The following GPC5 variants were observed in gnomAD, a reference collection of about 807,000 sequenced individuals.
GPC5 encodes the protein glypican-5.
In GPC5, 47 loss-of-function variants were observed where a neutral mutation model predicts 53.9. The observed-to-expected ratio is 0.87, with a 90% CI of 0.69 to 1.11. GPC5 has a LOEUF of 1.11. Among genes scored for constraint, GPC5 ranks in the 50% most tolerant of loss-of-function variants. The pLI is 0.00. For missense variants in GPC5, 748 were observed against 713.1 expected (o/e 1.05, Z -0.56); for synonymous variants, 286 against 263.3 (o/e 1.09, Z -0.84).
chr13:92,398,428 C>CAAAAAAAAAAAAAAAAAAAAAAAAAAAA (rs35873316), intron 7 of GPC5, among the ~76,000 whole-genome samples: 2 of 87,648 alleles, frequency 2.3e-5, no homozygotes, highest in South Asian at 4.0e-4. Flanking sequence ...GACTCCGTCT[C>CAAAAAAAAAAAAAAAAAAAAAAAAAAAA]AAAAAAAAAA....
At chr13:92,321,735 T>C (rs2043217552) in intron 7 of GPC5, among the ~76,000 whole-genome samples, 1 of 152,212 alleles carries the variant, frequency 6.6e-6, no homozygotes, top group Admixed American at 6.5e-5. Context: ...AGTTACGGTA[T>C]ACTGATTATG....
intron 7 of GPC5, among the ~76,000 whole-genome samples, chr13:92,538,404 C>T (rs770394432): frequency 3.1e-4 from 47 of 150,570 alleles, no homozygotes; most frequent in Non-Finnish European, 5.9e-4. Flanking sequence ...TCCTTCATTC[C>T]TTCTTCCCTA....
chr13:92,039,324 A>C (rs1383703002), intron 6 of GPC5, among the ~76,000 whole-genome samples: 1 of 152,246 alleles, frequency 6.6e-6, no homozygotes, highest in African/African-American at 2.4e-5. Flanking sequence ...TTATCAGTAG[A>C]GAGTGGAAAA....
intron 7 of GPC5, among the ~76,000 whole-genome samples, chr13:92,182,376 A>G (rs2042153055): frequency 6.6e-6 from 1 of 152,210 alleles, no homozygotes; most frequent in Non-Finnish European, 1.5e-5. Context: ...CCACTTTTCA[A>G]ACAAAGATCA....
At chr13:91,949,856 G>A (rs1168059050) in intron 6 of GPC5, among the ~76,000 whole-genome samples, 2 of 152,138 alleles carry the variant, frequency 1.3e-5, no homozygotes, top group East Asian at 3.8e-4. Flanking sequence ...CTATAAATGT[G>A]TATTTGCTCT....
intron 7 of GPC5, among the ~76,000 whole-genome samples, chr13:92,264,601 C>T (rs2042788798): frequency 6.6e-6 from 1 of 151,702 alleles, no homozygotes; most frequent in Admixed American, 6.6e-5. Flanking sequence ...GGATGACTTA[C>T]AGTCAAGACC....
At chr13:91,713,347 G>A (rs1027630141) in intron 3 of GPC5, among the ~76,000 whole-genome samples, 7 of 149,562 alleles carry the variant, frequency 4.7e-5, no homozygotes, top group Non-Finnish European at 8.9e-5. Context: ...ATACTTTCTC[G>A]AATGCCTAAA....
chr13:92,773,770 T>C (rs538934352), intron 7 of GPC5, among the ~76,000 whole-genome samples: 1 of 152,188 alleles, frequency 6.6e-6, no homozygotes, highest in Non-Finnish European at 1.5e-5. Context: ...ATTTCATCTG[T>C]TGAAAATATT....
intron 4 of GPC5, among the ~76,000 whole-genome samples, chr13:91,751,445 C>G (rs1469845326): frequency 6.6e-6 from 1 of 152,186 alleles, no homozygotes; most frequent in Non-Finnish European, 1.5e-5. Context: ...TGTGCCATTT[C>G]AGATCAGCAG....
At chr13:92,695,627 T>C (rs951319422) in intron 7 of GPC5, among the ~76,000 whole-genome samples, 1 of 152,116 alleles carries the variant, frequency 6.6e-6, no homozygotes, top group Non-Finnish European at 1.5e-5. Flanking sequence ...AAAATAATTA[T>C]ATTAGTACAT....
At chr13:91,775,256 G>A (rs148379538) in intron 5 of GPC5, among the ~76,000 whole-genome samples, 4 of 152,138 alleles carry the variant, frequency 2.6e-5, no homozygotes, top group Non-Finnish European at 5.9e-5. Flanking sequence ...CTGTGTTTTA[G>A]TCTATATAAT....
chr13:91,862,908 G>A (rs1387422006), intron 5 of GPC5, among the ~76,000 whole-genome samples: 1 of 151,754 alleles, frequency 6.6e-6, no homozygotes, highest in East Asian at 1.9e-4. Context: ...AAGATTTCTG[G>A]CCCATCTTTT....
chr13:91,572,217 A>ATACACATATGTATATATATGTGTGTG (rs1566517664), intron 2 of GPC5, among the ~76,000 whole-genome samples: 6 of 89,470 alleles, frequency 6.7e-5, no homozygotes, highest in Admixed American at 9.8e-5. Context: ...ATACGTGTAT[A>ATACACATATGTATATATATGTGTGTG]TATATACACA....
chr13:92,827,621 C>T (rs954527247), intron 7 of GPC5, among the ~76,000 whole-genome samples: 4 of 152,132 alleles, frequency 2.6e-5, no homozygotes, highest in East Asian at 1.9e-4. Context: ...TGCATGTACA[C>T]GCATGCCAAC....
chr13:92,037,898 G>C (rs556386521), intron 6 of GPC5, among the ~76,000 whole-genome samples: 2 of 152,248 alleles, frequency 1.3e-5, no homozygotes, highest in South Asian at 4.1e-4. Flanking sequence ...AGAAGATTTT[G>C]AGCAGATTTC....
intron 2 of GPC5, 25 bp from the exon 3 acceptor site, chr13:91,693,162 T>A: frequency 2.6e-6 from 4 of 1,549,350 alleles, no homozygotes; most frequent in Non-Finnish European, 3.5e-6. Context: ...AACCTTCTCA[T>A]GTTTTACCTC....
At chr13:92,432,683 G>GT (rs149512434) in intron 7 of GPC5, among the ~76,000 whole-genome samples, 4,247 of 150,732 alleles carry the variant, frequency 0.028, 213 homozygotes, top group African/African-American at 0.097. Flanking sequence ...CCATAAACTA[G>GT]TTTTTTTTTA....
chr13:91,706,775 A>G (rs990044551), intron 3 of GPC5, among the ~76,000 whole-genome samples: 2 of 152,152 alleles, frequency 1.3e-5, no homozygotes, highest in Non-Finnish European at 2.9e-5. Flanking sequence ...ATGTTCCTAC[A>G]GGATGAATAA....
intron 5 of GPC5, among the ~76,000 whole-genome samples, chr13:91,759,298 G>A (rs1022848684): frequency 1.3e-5 from 2 of 151,604 alleles, no homozygotes; most frequent in African/African-American, 2.4e-5. Flanking sequence ...TTTGATACAG[G>A]CATGCAATGT....
Sources: gnomAD v4.1 joint callset for allele counts (sites outside exome capture counted in the v4.1 genomes callset) on GRCh38, gnomAD v4.1.1 for gene constraint, MANE v1.5 for transcripts, NCBI Gene and HGNC (gene_info 2026-07-23, HGNC 2026-07-21) for gene names.